Variants in PLD1 observed in about 807,000 individuals in gnomAD.
PLD1 encodes choline phosphatase 1.
PLD1 carries 112 observed loss-of-function variants against 137.1 expected under a neutral mutation model. The observed-to-expected ratio is 0.82, with a 90% CI of 0.70 to 0.96. PLD1 has a LOEUF of 0.96. Among genes scored for constraint, PLD1 ranks in the 40% least tolerant of loss-of-function variants. PLD1 has a pLI of 0.00. For missense variants in PLD1, 1,321 were observed against 1,342.0 expected, an observed-to-expected ratio of 0.98 and a Z score of 0.24; for synonymous variants, 431 against 454.7, an observed-to-expected ratio of 0.95 and a Z score of 0.66.
chr3:171,776,545 T>C (rs1408482833), intron 1 of PLD1, among the ~76,000 whole-genome samples: 1 of 152,182 alleles, frequency 6.6e-6, no homozygotes, highest in Non-Finnish European at 1.5e-5. Flanking sequence ...TGAAATTAGA[T>C]GGACAAGCTG....
At chr3:171,762,622 A>G (rs139617457) in intron 1 of PLD1, among the ~76,000 whole-genome samples, 144 of 152,258 alleles carry the variant, frequency 9.5e-4, no homozygotes, top group African/African-American at 3.2e-3. Flanking sequence ...CTTGAAGACC[A>G]ATTAGGAGCT....
intron 6 of PLD1, among the ~76,000 whole-genome samples, chr3:171,726,435 A>C (rs750427091): frequency 6.6e-6 from 1 of 152,214 alleles, no homozygotes. Context: ...TCAAACAATA[A>C]AAGAATGTGA....
chr3:171,614,109 T>C (rs1300087626), intron 24 of PLD1, among the ~76,000 whole-genome samples: 1 of 152,208 alleles, frequency 6.6e-6, no homozygotes, highest in East Asian at 1.9e-4. Context: ...TGCCAGAATA[T>C]TGTCATGTGG....
chr3:171,752,208 T>C (rs1033017556), intron 1 of PLD1, among the ~76,000 whole-genome samples: 2 of 152,216 alleles, frequency 1.3e-5, no homozygotes, highest in African/African-American at 4.8e-5. Flanking sequence ...TTTAAAAACA[T>C]AGAACAATCC....
chr3:171,628,058 T>C (rs1279802934), intron 23 of PLD1, among the ~76,000 whole-genome samples: 4 of 151,322 alleles, frequency 2.6e-5, no homozygotes, highest in African/African-American at 9.7e-5. Flanking sequence ...TTCAAAAAAT[T>C]AATGAATCCA....
intron 1 of PLD1, among the ~76,000 whole-genome samples, chr3:171,745,036 T>C (rs1332458488): frequency 6.6e-6 from 1 of 152,232 alleles, no homozygotes; most frequent in Non-Finnish European, 1.5e-5. Flanking sequence ...TTGGACGACC[T>C]TTTAAAAACA....
chr3:171,692,652 C>G (rs372276408), intron 12 of PLD1, among the ~76,000 whole-genome samples: 9 of 152,072 alleles, frequency 5.9e-5, no homozygotes, highest in Admixed American at 5.9e-4. Flanking sequence ...TCCTGAGTAG[C>G]TGGGATTACA....
At chr3:171,733,384 T>C (rs1719091932) in intron 6 of PLD1, 60 bp downstream of exon 6, 2 of 694,748 alleles carry the variant, frequency 2.9e-6, no homozygotes, top group Middle Eastern at 4.8e-4. Context: ...ATCCAAAATT[T>C]AGCTGACAAT....
At chr3:171,772,190 C>T (rs539939810) in intron 1 of PLD1, among the ~76,000 whole-genome samples, 1 of 152,274 alleles carries the variant, frequency 6.6e-6, no homozygotes, top group South Asian at 2.1e-4. Context: ...CTTATTTTCC[C>T]CTAGTTTTCA....
At chr3:171,767,307 T>G (rs908894728) in intron 1 of PLD1, among the ~76,000 whole-genome samples, 3 of 152,206 alleles carry the variant, frequency 2.0e-5, no homozygotes, top group Admixed American at 6.5e-5. Flanking sequence ...CTGCCATTGG[T>G]CACCAGGTTC....
intron 8 of PLD1, among the ~76,000 whole-genome samples, chr3:171,719,245 C>A (rs1347247889): frequency 1.3e-5 from 2 of 152,344 alleles, no homozygotes; most frequent in Admixed American, 1.3e-4. Context: ...TCTCCACCAT[C>A]CCTGCCTCAT....
In PLD1 at chr3:171,796,271, TAAGA is replaced by T. The variant is rs1181421025; in HGVS notation, c.-32+14124_-32+14127del. ...CATATATGGTGTGATTATTATGATG[TAAGA>T]AATAGCCAAAGAGATGTTTAAATTA... On this transcript the variant is annotated intron_variant, in intron 1 of 26. Coordinates refer to ENST00000351298, the MANE Select transcript of PLD1 (RefSeq NM_002662.5). Among the ~76,000 whole-genome samples the T allele has an allele frequency of 1.1e-4, 16 of 152,352 alleles. 1 individual carries two copies. The South Asian group carries it at 1.9e-3, about 18-fold the overall frequency.
chr3:171,766,718 T>A (rs1722000505), intron 1 of PLD1, among the ~76,000 whole-genome samples: 1 of 152,214 alleles, frequency 6.6e-6, no homozygotes, highest in East Asian at 1.9e-4. Flanking sequence ...CTAGAAAATT[T>A]AAATCTATTG....
At chr3:171,788,033 C>T (rs1052041956) in intron 1 of PLD1, among the ~76,000 whole-genome samples, 9 of 151,726 alleles carry the variant, frequency 5.9e-5, no homozygotes, top group African/African-American at 2.2e-4. Flanking sequence ...ATGGTGAAAC[C>T]CCATTTCTAC....
intron 7 of PLD1, 135 bp from the exon 8 acceptor site, chr3:171,724,923 C>T (rs1718392633): frequency 1.5e-6 from 1 of 667,898 alleles, no homozygotes; most frequent in African/African-American, 1.8e-5. Flanking sequence ...CCTCCTCGCT[C>T]TCAACTAGCT....
In PLD1 at chr3:171,635,965, CTTTTTTTTTTTTTTTTTT is replaced by C. The variant is rs71178231; in HGVS notation, c.2593+6857_2593+6874del. Among the ~76,000 whole-genome samples the C allele has an allele frequency of 1.0e-3, 51 of 49,252 alleles. 2 individuals carry two copies. Among genetic ancestry groups the C allele is most frequent in the Non-Finnish European group, 1.9e-3 (44 of 22,594 alleles). The allele number at this position is 49,252 out of a possible 152,430, so 32.3% of individuals were successfully genotyped here. On this transcript the variant is annotated intron_variant, in intron 23 of 26. Transcript: ENST00000351298. ...ATGGTATGAGGTAGGGGTTCAACTT[CTTTTTTTTTTTTTTTTTT>C]TTTTTTTTTTTTTTGCAAGTGGATA... is the stretch of plus-strand genomic sequence containing the variant.
At position 171,637,339 on chromosome 3, in the gene PLD1, G is replaced by A. The variant is rs1233132073; in HGVS notation, c.2593+5501C>T. 3.9e-5 allele frequency among the ~76,000 whole-genome samples: 6 copies of A among 152,096 alleles called. No individual in the cohort carries two copies. The South Asian group carries it at 1.0e-3, about 26-fold the overall frequency. On this transcript the variant is annotated intron_variant, in intron 23 of 26. Transcript: ENST00000351298. ...CAACCTCAGCCTCCCGGGTTCAAGC[G>A]ATTCTCGTGCCTCAGCCTCCCGAGT...
intron 1 of PLD1, among the ~76,000 whole-genome samples, chr3:171,763,275 G>A (rs1361158967): frequency 1.3e-5 from 2 of 151,494 alleles, no homozygotes; most frequent in Non-Finnish European, 2.9e-5. Context: ...ACATGCTATA[G>A]ACCAGGCATG....
chr3:171,648,586 G>A (rs1389362902), intron 21 of PLD1, among the ~76,000 whole-genome samples: 1 of 146,602 alleles, frequency 6.8e-6, no homozygotes, highest in South Asian at 2.1e-4. Context: ...ACCCAGTCTC[G>A]CTCTGTCGCC....
Sources: gnomAD v4.1 joint callset for allele counts (sites outside exome capture counted in the v4.1 genomes callset) on GRCh38, gnomAD v4.1.1 for gene constraint, MANE v1.5 for transcripts, NCBI Gene and HGNC (gene_info 2026-07-23, HGNC 2026-07-21) for gene names.